RABEP2: variants seen among roughly 807,000 people sequenced by gnomAD.
RABEP2 encodes rabaptin, RAB GTPase binding effector protein 2.
A neutral mutation model predicts 74.1 loss-of-function variants in RABEP2; 57 were observed. That is an observed-to-expected ratio of 0.77 (90% CI 0.62 to 0.96). The LOEUF (loss-of-function observed/expected upper bound fraction) is 0.96, where lower values mean the gene tolerates loss of function less well. RABEP2 is among the 40% of genes least tolerant of loss of function. The probability of loss-of-function intolerance (pLI) is 0.00; values close to 1 mark genes in which losing one functional copy is unlikely to be tolerated. For missense variants in RABEP2, 692 were observed against 756.3 expected (o/e 0.91, Z 1.00); for synonymous variants, 351 against 344.0 (o/e 1.02, Z -0.23).
At chr16:28,913,605 C>T (rs557019440) in intron 5 of RABEP2, among the ~76,000 whole-genome samples, 1 of 152,164 alleles carries the variant, frequency 6.6e-6, no homozygotes, top group East Asian at 1.9e-4. Flanking sequence ...CCTCAGCCTC[C>T]TGAGTAGCTG....
At chr16:28,915,507 A>G (rs976270371) in intron 3 of RABEP2, among the ~76,000 whole-genome samples, 2 of 152,134 alleles carry the variant, frequency 1.3e-5, no homozygotes, top group African/African-American at 4.8e-5. Context: ...CAGATAAGCC[A>G]AGGGGACCTT....
At chr16:28,910,028 C>CAAAAA (rs779404464) in intron 7 of RABEP2, among the ~76,000 whole-genome samples, 5 of 69,140 alleles carry the variant, frequency 7.2e-5, no homozygotes, top group African/African-American at 9.5e-5. Flanking sequence ...GACTCCGTCT[C>CAAAAA]AAAAAAAAAA....
chr16:28,908,828 C>A, intron 7 of RABEP2, 64 bp from the exon 8 acceptor site: 2 of 1,519,134 alleles, frequency 1.3e-6, no homozygotes, highest in South Asian at 1.2e-5. Context: ...CCTAGGAGGC[C>A]AAACCTCCTT....
chr16:28,905,774 CAG>C lies in RABEP2; in HGVS notation c.1436-17_1436-16del. On this transcript the variant is annotated splice_polypyrimidine_tract_variant and intron_variant, in intron 10 of 12. Transcript: ENST00000358201. ...GCACAGGGAGGCTGGGAAGTCAGGG[CAG>C]GGGGAGACGTCAGGGCCATGCCCTC... The C allele has an allele frequency of 1.2e-6, 2 of 1,613,964 alleles. No homozygotes were observed. Among genetic ancestry groups the C allele is most frequent in the Non-Finnish European group, 1.7e-6 (2 of 1,179,974 alleles).
chr16:28,912,221 T>C (rs1286945440), intron 5 of RABEP2, among the ~76,000 whole-genome samples: 1 of 149,308 alleles, frequency 6.7e-6, no homozygotes, highest in Non-Finnish European at 1.5e-5. Context: ...CACTCCAGCC[T>C]GGGTGACACA....
intron 2 of RABEP2, 129 bp from the exon 3 acceptor site, chr16:28,920,072 G>A: frequency 8.7e-7 from 1 of 1,145,732 alleles, no homozygotes; most frequent in Non-Finnish European, 1.2e-6. Flanking sequence ...TGCCATGGCA[G>A]GCTTTGCAGA....
chr16:28,920,841 C>T (rs1401028901), intron 2 of RABEP2, among the ~76,000 whole-genome samples: 1 of 151,014 alleles, frequency 6.6e-6, no homozygotes, highest in Non-Finnish European at 1.5e-5. Flanking sequence ...TCCCTCCCCT[C>T]TCCCCCCACC....
rs1186424086 is a variant in RABEP2 at position 28,924,545 on chromosome 16, C to T, written c.132G>A (p.Arg44=). ...EAESGELSRL[R]AELAGALAEM... Reference sequence around the variant, plus strand: ...CTGCCAGGGCGCCTGCCAGCTCAGCCCGAAGCCGGCTGAGCTCACCTGACT... The same window carrying T: ...CTGCCAGGGCGCCTGCCAGCTCAGCTCGAAGCCGGCTGAGCTCACCTGACT... Residue 44 remains arginine (R), a synonymous_variant, in exon 2 of 13, where the codon CGG becomes CGA. Transcript: ENST00000358201. The T allele has an allele frequency of 6.2e-7, 1 of 1,613,958 alleles. No individual in the cohort carries two copies. The highest frequency in any genetic ancestry group is 8.5e-7 in the Non-Finnish European group (1 of 1,180,026).
At position 28,925,174 on chromosome 16, in the gene RABEP2, C is replaced by G; in HGVS notation, c.-11G>C. On this transcript the variant is annotated 5_prime_UTR_variant, in exon 1 of 13. Transcript: ENST00000358201. ...CGCAGCTGCCGCCATTGCCTCAGCG[C>G]AAACGGCGGATTCCCGCACTCCCTG... The G allele has an allele frequency of 6.5e-7, 1 of 1,527,784 alleles. No individual in the cohort carries two copies. Among genetic ancestry groups the G allele is most frequent in the Non-Finnish European group, 8.7e-7 (1 of 1,143,462 alleles). 94.6% of individuals were successfully genotyped at this position (1,527,784 alleles called of 1,614,324 possible). A position where few individuals can be genotyped will look rare whatever the true frequency, so the allele number is the denominator to read the frequency against.
rs1397141257 is a variant in RABEP2, at chr16:28,925,174, C to T, written c.-11G>A. 6.5e-7 allele frequency: 1 copy of T among 1,527,784 alleles called. No homozygotes were observed. Among genetic ancestry groups the T allele is most frequent in the South Asian group, 1.2e-5 (1 of 83,518 alleles). The allele number at this position is 1,527,784 out of a possible 1,614,324, so 94.6% of individuals were successfully genotyped here. Reference sequence around the variant, plus strand: ...CGCAGCTGCCGCCATTGCCTCAGCGCAAACGGCGGATTCCCGCACTCCCTG... The same window carrying T: ...CGCAGCTGCCGCCATTGCCTCAGCGTAAACGGCGGATTCCCGCACTCCCTG... On this transcript the variant is annotated 5_prime_UTR_variant, in exon 1 of 13. Transcript: ENST00000358201.
intron 8 of RABEP2, among the ~76,000 whole-genome samples, chr16:28,908,239 C>G (rs967974737): frequency 3.1e-5 from 4 of 129,806 alleles, no homozygotes; most frequent in African/African-American, 6.5e-5. Context: ...TCGCGCCTGG[C>G]TAATAAGCCA....
At position 28,924,501 on chromosome 16, in the gene RABEP2, G is replaced by T. The variant is rs1342215968; in HGVS notation, c.176C>A (p.Ala59Asp). Reference protein sequence around the residue: ...GALAEMETMKAVAEVSESTKA... With the variant: ...GALAEMETMKDVAEVSESTKA... ...CGTGCTCTCGCTCACCTCTGCCACA[G>T]CCTTCATGGTTTCCATTTCTGCCAG... The change falls in exon 2 of 13, where the codon GCT (alanine) becomes GAT (aspartate). Residue 59 changes from alanine to aspartate, a missense_variant. Physicochemically the swap from Ala to Asp is moderately radical, Grantham distance 126. Transcript: ENST00000358201. 6.2e-7 allele frequency: 1 copy of T among 1,613,924 alleles called. No individual in the cohort carries two copies. Among genetic ancestry groups the T allele is most frequent in the Non-Finnish European group, 8.5e-7 (1 of 1,180,028 alleles).
chr16:28,924,956 T>A lies in RABEP2; in HGVS notation c.61+147A>T, dbSNP rs1031370257. 1.1e-5 allele frequency: 11 copies of A among 1,014,228 alleles called. No individual in the cohort carries two copies. In the African/African-American group the frequency reaches 1.5e-4, roughly 13 times the overall value. 62.8% of individuals were successfully genotyped at this position (1,014,228 alleles called of 1,614,324 possible). A position where few individuals can be genotyped will look rare whatever the true frequency, so the allele number is the denominator to read the frequency against. On this transcript the variant is annotated intron_variant, in intron 1 of 12. Transcript: ENST00000358201. ...TGGCCGGGCCACGCCCCCTTTTGCC[T>A]GTGGCTGTAGGCCCCGCCCCCTTTC...
In RABEP2 at chr16:28,904,677, A is replaced by G. The variant is rs1964193487; in HGVS notation, c.*266T>C. Reference sequence around the variant, plus strand: ...GCTGGAGCCCAGGAGGCAGCACAGCAGCCAGAAAGCCGCAGGCCTGAGCCT... The same window carrying G: ...GCTGGAGCCCAGGAGGCAGCACAGCGGCCAGAAAGCCGCAGGCCTGAGCCT... On this transcript the variant is annotated 3_prime_UTR_variant, in exon 13 of 13. Transcript: ENST00000358201. 6.0e-6 allele frequency: 4 copies of G among 667,932 alleles called. No homozygotes were observed. The highest frequency in any genetic ancestry group is 7.1e-6 in the Non-Finnish European group (3 of 419,670). The allele number at this position is 667,932 out of a possible 1,614,324, so 41.4% of individuals were successfully genotyped here.
Position 28,919,805 on chromosome 16 carries a change from A to G in RABEP2, c.413T>C (p.Leu138Pro). 6.2e-7 allele frequency: 1 copy of G among 1,608,838 alleles called. No homozygotes were observed. The highest frequency in any genetic ancestry group is 8.5e-7 in the Non-Finnish European group (1 of 1,176,750). Residue 138 changes from leucine (L) to proline (P), a missense_variant, in exon 3 of 13, where the codon CTG becomes CCG. Coordinates refer to ENST00000358201, the MANE Select transcript of RABEP2 (RefSeq NM_024816.3). ...CCCAACCTTTTCCATCTGCTTCTCC[A>G]GGGAGTCCAGGGGGTAGGCCCGGGA... ...LLSRAYPLDSLEKQMEKAHED... is the reference protein window; with the variant it reads ...LLSRAYPLDSPEKQMEKAHED...
chr16:28,922,813 G>A (rs1215736667), intron 2 of RABEP2, among the ~76,000 whole-genome samples: 1 of 151,922 alleles, frequency 6.6e-6, no homozygotes, highest in Non-Finnish European at 1.5e-5. Context: ...AGAATCGCTT[G>A]AACCCGGGAG....
intron 3 of RABEP2, among the ~76,000 whole-genome samples, chr16:28,919,022 G>A (rs377527960): frequency 5.3e-5 from 8 of 152,116 alleles, no homozygotes; most frequent in African/African-American, 9.7e-5. Flanking sequence ...TTCTATGTGC[G>A]TAAACAGGGG....
intron 5 of RABEP2, among the ~76,000 whole-genome samples, chr16:28,911,699 T>C (rs945424404): frequency 2.0e-5 from 3 of 149,470 alleles, no homozygotes; most frequent in Non-Finnish European, 4.4e-5. Context: ...GGCTCATGCC[T>C]ATAATCCCAC....
intron 5 of RABEP2, 79 bp from the exon 6 acceptor site, chr16:28,911,258 C>T: frequency 7.6e-7 from 1 of 1,311,350 alleles, no homozygotes; most frequent in Non-Finnish European, 1.1e-6. Flanking sequence ...CCCACCTCTG[C>T]AGGGAGGTGC....
Sources: gnomAD v4.1 joint callset for allele counts (sites outside exome capture counted in the v4.1 genomes callset) on GRCh38, gnomAD v4.1.1 for gene constraint, MANE v1.5 for transcripts, NCBI Gene and HGNC (gene_info 2026-07-23, HGNC 2026-07-21) for gene names.